ZNF799: variants seen among roughly 807,000 people sequenced by gnomAD.
ZNF799 encodes the protein zinc finger protein 14.
A neutral mutation model predicts 41.0 loss-of-function variants in ZNF799; 28 were observed. The observed-to-expected ratio is 0.68, with a 90% confidence interval of 0.51 to 0.94. The LOEUF (loss-of-function observed/expected upper bound fraction) is 0.94, where lower values mean the gene tolerates loss of function less well. Ranked by LOEUF, ZNF799 falls within the 40% of genes least tolerant of loss-of-function variation. ZNF799 has a pLI of 0.00. For synonymous variants in ZNF799, 213 were observed against 252.9 expected, an observed-to-expected ratio of 0.84 and a Z score of 1.50; for missense variants, 716 against 764.3, an observed-to-expected ratio of 0.94 and a Z score of 0.74.
Position 12,391,030 on chromosome 19 carries a change from G to C in ZNF799, c.1368C>G (p.Ala456=). ...TTTGAAAGGAATAGAAATCAATAAAGGCTTTCCCACATTTGCATTTATAGG... is the reference window on the plus strand; with the variant it reads ...TTTGAAAGGAATAGAAATCAATAAACGCTTTCCCACATTTGCATTTATAGG... The part of the protein sequence containing the change: ...EKPYKCKCGK[A]FIDFYSFQNH... The change falls in exon 4 of 4, where the codon GCC becomes GCG. Residue 456 remains alanine (A), a synonymous_variant. Coordinates refer to ENST00000430385, the MANE Select transcript of ZNF799 (RefSeq NM_001080821.3). The C allele has an allele frequency of 1.2e-6, 2 of 1,614,028 alleles. No individual in the cohort carries two copies. The highest frequency in any genetic ancestry group is 2.2e-5 in the East Asian group (1 of 44,856).
Position 12,392,092 on chromosome 19 carries a change from T to A in ZNF799, c.306A>T (p.Pro102=), listed in dbSNP as rs777373026. ...CTTCTCCACTCATACGGCTTTCATATGGACCTACTCCAGGAAGAGTGTTCT... is the reference window on the plus strand; with the variant it reads ...CTTCTCCACTCATACGGCTTTCATAAGGACCTACTCCAGGAAGAGTGTTCT... ...VTKNTLPGVG[P]YESRMSGEVI... Residue 102 remains proline (P), a synonymous_variant, in exon 4 of 4, where the codon CCA becomes CCT. Coordinates refer to ENST00000430385, the MANE Select transcript of ZNF799 (RefSeq NM_001080821.3). 1.2e-6 allele frequency: 2 copies of A among 1,613,602 alleles called. No homozygotes were observed. Among genetic ancestry groups the A allele is most frequent in the African/African-American group, 2.7e-5 (2 of 74,692 alleles).
chr19:12,408,103 A>G, the ZNF799 span, among the ~76,000 whole-genome samples: 1 of 152,110 alleles, frequency 6.6e-6, no homozygotes, highest in African/African-American at 2.4e-5. Context: ...ACAGTCAGCT[A>G]TGATTGTGCC....
At chr19:12,404,008 A>C (rs531637821), upstream of ZNF799, among the ~76,000 whole-genome samples, 4 of 152,262 alleles carry the variant, frequency 2.6e-5, no homozygotes, top group South Asian at 8.3e-4. Flanking sequence ...TCCACTGACC[A>C]ATTGGTCATT....
the ZNF799 span, among the ~76,000 whole-genome samples, chr19:12,410,174 TATAC>T: frequency 2.2e-3 from 148 of 68,790 alleles, 3 homozygotes; most frequent in African/African-American, 5.4e-3. Context: ...AATATATATA[TATAC>T]ATACATACAT....
At chr19:12,403,122 C>A (rs1970009608), upstream of ZNF799, among the ~76,000 whole-genome samples, 1 of 151,518 alleles carries the variant, frequency 6.6e-6, no homozygotes, top group South Asian at 2.1e-4. Flanking sequence ...TGTTATTGGT[C>A]TGTTCAGGTT....
chr19:12,391,147 T>C lies in ZNF799; in HGVS notation c.1251A>G (p.Ala417=). The change falls in exon 4 of 4, where the codon GCA becomes GCG. Residue 417 remains alanine (A), a synonymous_variant. Transcript: ENST00000430385. ...VFQRHEKTHT[A]EKPYKCKQCG... is the part of the protein sequence containing the mutation. ...ATTGTTTACATTTATAGGGTTTCTC[T>C]GCAGTGTGAGTCTTTTCATGCCTTT... 6.2e-7 allele frequency: 1 copy of C among 1,614,226 alleles called. No homozygotes were observed. Among genetic ancestry groups the C allele is most frequent in the Non-Finnish European group, 8.5e-7 (1 of 1,180,012 alleles).
rs1471188853 is a variant in ZNF799, at chr19:12,391,388, T to C, written c.1010A>G (p.His337Arg). Residue 337 changes from histidine (H) to arginine (R), a missense_variant, in exon 4 of 4, where the codon CAT (histidine) becomes CGT (arginine). His to Arg is a conservative substitution (Grantham distance 29, BLOSUM62 0). Around this residue, in one of 2 missense-constraint regions of ZNF799, gnomAD observed 698 missense variants for 713.6 expected, o/e 0.98. Coordinates refer to ENST00000430385, the MANE Select transcript of ZNF799 (RefSeq NM_001080821.3). ...HMVMHTRDGP[H>R]KCKICGKGFD... ...GCCTTTTCCACATATCTTACACTTA[T>C]GAGGTCCATCTCTCGTGTGCATTAC... 1 of 1,614,180 alleles carries C rather than the reference T, an allele frequency of 6.2e-7. No homozygotes were observed. The highest frequency in any genetic ancestry group is 2.2e-5 in the East Asian group (1 of 44,884).
At chr19:12,406,461 G>T in the ZNF799 span, among the ~76,000 whole-genome samples, 7 of 150,132 alleles carry the variant, frequency 4.7e-5, no homozygotes, top group Non-Finnish European at 1.0e-4. Flanking sequence ...TCCAGCCTGG[G>T]CAACAGAGTG....
the ZNF799 span, among the ~76,000 whole-genome samples, chr19:12,414,421 C>G: frequency 6.6e-6 from 1 of 152,150 alleles, no homozygotes; most frequent in Non-Finnish European, 1.5e-5. Flanking sequence ...CTGGACAGAT[C>G]ACAAGTCTGT....
At chr19:12,410,760 G>A in the ZNF799 span, among the ~76,000 whole-genome samples, 1 of 152,070 alleles carries the variant, frequency 6.6e-6, no homozygotes. Context: ...CTATTCCTAT[G>A]CACATTAAAG....
At chr19:12,405,978 T>A (rs1970026583), upstream of ZNF799, among the ~76,000 whole-genome samples, 5 of 151,754 alleles carry the variant, frequency 3.3e-5, no homozygotes, top group Admixed American at 3.3e-4. Context: ...ATTGAGATCA[T>A]CCTGGCCAAC....
upstream of ZNF799, among the ~76,000 whole-genome samples, chr19:12,403,593 C>A (rs1248989779): frequency 6.6e-6 from 1 of 151,830 alleles, no homozygotes; most frequent in Non-Finnish European, 1.5e-5. Context: ...ACTCTTGCAG[C>A]CTAGGCTGGA....
At chr19:12,394,906 A>G (rs1397691120) in intron 1 of ZNF799, 1 of 976,370 alleles carries the variant, frequency 1.0e-6, no homozygotes, top group Non-Finnish European at 1.2e-6. Context: ...CAGAGAGATA[A>G]ATATATATAT....
Position 12,392,057 on chromosome 19 carries a change from C to T in ZNF799, c.341G>A (p.Gly114Asp). ...ESRMSGEVIMGHSSLNCYIRV... is the reference protein window; with the variant it reads ...ESRMSGEVIMDHSSLNCYIRV... ...GATGTAACAATTAAGGGATGAATGA[C>T]CCATGATGACTTCTCCACTCATACG... The change falls in exon 4 of 4, where the codon GGT becomes GAT. Residue 114 changes from glycine to aspartate, a missense_variant. By Grantham distance (94) the Gly-to-Asp change is moderately conservative (BLOSUM62 -1). Coordinates refer to ENST00000430385, the MANE Select transcript of ZNF799 (RefSeq NM_001080821.3). The T allele has an allele frequency of 6.2e-7, 1 of 1,614,166 alleles. No homozygotes were observed. Among genetic ancestry groups the T allele is most frequent in the Non-Finnish European group, 8.5e-7 (1 of 1,180,002 alleles).
the ZNF799 span, among the ~76,000 whole-genome samples, chr19:12,409,023 G>A: frequency 6.6e-6 from 1 of 151,140 alleles, no homozygotes; most frequent in Non-Finnish European, 1.5e-5. Context: ...CAATAATTGT[G>A]AAACTCCACC....
rs760886290 is a variant in ZNF799 at position 12,393,292 on chromosome 19, C to T, written c.130+5G>A. ...AAATAAGTGGAAATGCGATGTCATCCTTACCTACACAATCCAGGTTCCTGA... is the reference window on the plus strand; with the variant it reads ...AAATAAGTGGAAATGCGATGTCATCTTTACCTACACAATCCAGGTTCCTGA... On this transcript the variant is annotated splice_donor_5th_base_variant and intron_variant, in intron 2 of 3. Coordinates refer to ENST00000430385, the MANE Select transcript of ZNF799 (RefSeq NM_001080821.3). 3.2e-6 allele frequency: 3 copies of T among 934,418 alleles called. No homozygotes were observed. The highest frequency in any genetic ancestry group is 3.3e-6 in the Non-Finnish European group (2 of 599,946). The allele number at this position is 934,418 out of a possible 1,614,324, so 57.9% of individuals were successfully genotyped here.
chr19:12,413,047 C>CAAAAAA, the ZNF799 span, among the ~76,000 whole-genome samples: 29 of 62,876 alleles, frequency 4.6e-4, no homozygotes, highest in South Asian at 6.9e-4. Context: ...ACTCCGTCTC[C>CAAAAAA]AAAAAAAAAA....
At position 12,391,514 on chromosome 19, in the gene ZNF799, G is replaced by T; in HGVS notation, c.884C>A (p.Ser295Tyr). The change falls in exon 4 of 4, where the codon TCC becomes TAC. Residue 295 changes from serine to tyrosine, a missense_variant. By Grantham distance (144) the Ser-to-Tyr change is moderately radical (BLOSUM62 -2). Around this residue, in one of 2 missense-constraint regions of ZNF799, gnomAD observed 698 missense variants for 713.6 expected, o/e 0.98. Transcript: ENST00000430385. ...GTGAGTTGTTTCGTGTCTTCGAAGGGAAGTGGAAGCACTGAAGGCTTTCCC... is the reference window on the plus strand; with the variant it reads ...GTGAGTTGTTTCGTGTCTTCGAAGGTAAGTGGAAGCACTGAAGGCTTTCCC... ...QCGKAFSAST[S>Y]LRRHETTHTD... 3 of 1,613,994 alleles carry T rather than the reference G, an allele frequency of 1.9e-6. No homozygotes were observed. Among genetic ancestry groups the T allele is most frequent in the Non-Finnish European group, 2.5e-6 (3 of 1,179,950 alleles).
upstream of ZNF799, among the ~76,000 whole-genome samples, chr19:12,404,929 T>C (rs776802994): frequency 6.6e-6 from 1 of 152,064 alleles, no homozygotes; most frequent in Non-Finnish European, 1.5e-5. Flanking sequence ...CCAAAAGAGA[T>C]TAACATTTGA....
Sources: allele counts gnomAD v4.1 joint callset (sites outside exome capture counted in the v4.1 genomes callset), GRCh38; gene constraint gnomAD v4.1.1; regional missense constraint gnomAD v4.1.1; transcripts MANE v1.5; gene names NCBI Gene and HGNC (gene_info 2026-07-23, HGNC 2026-07-21).